CAST: variants seen among roughly 807,000 people sequenced by gnomAD.
CAST encodes MIR583 host.
A neutral mutation model predicts 119.6 loss-of-function variants in CAST; 76 were observed. The observed-to-expected ratio is 0.64, with a 90% CI of 0.53 to 0.77. The LOEUF (loss-of-function observed/expected upper bound fraction) is 0.77. Ranked by LOEUF, CAST falls within the 30% of genes least tolerant of loss-of-function variation. The pLI, the probability that CAST is intolerant of heterozygous loss-of-function variation, is 0.00. For synonymous variants in CAST, 319 were observed against 331.6 expected (o/e 0.96, Z 0.41); for missense variants, 953 against 946.5 (o/e 1.01, Z -0.09).
At chr5:96,342,599 G>A in the CAST span, among the ~76,000 whole-genome samples, 1 of 152,176 alleles carries the variant, frequency 6.6e-6, no homozygotes, top group Admixed American at 6.5e-5. Flanking sequence ...TCAAAGGACA[G>A]ACCCTAATTA....
intron 1 of CAST, among the ~76,000 whole-genome samples, chr5:96,534,559 C>A (rs1745746718): frequency 6.6e-6 from 1 of 151,242 alleles, no homozygotes; most frequent in African/African-American, 2.4e-5. Flanking sequence ...ATCCCAGCTA[C>A]TCAGGAGGCT....
chr5:96,453,467 A>G, the CAST span, among the ~76,000 whole-genome samples: 13 of 152,354 alleles, frequency 8.5e-5, no homozygotes, highest in African/African-American at 2.9e-4. Flanking sequence ...AAATTTCTTT[A>G]CGAAATCAAG....
At chr5:96,418,074 G>A in the CAST span, among the ~76,000 whole-genome samples, 1 of 152,208 alleles carries the variant, frequency 6.6e-6, no homozygotes, top group Non-Finnish European at 1.5e-5. Context: ...CAGTGTGACA[G>A]CACCTATTAT....
intron 29 of CAST, chr5:96,769,116 CCTT>C (rs1771182095): frequency 6.6e-6 from 1 of 152,218 alleles, no homozygotes; most frequent in African/African-American, 2.4e-5. Flanking sequence ...ATGAGTACCT[CCTT>C]GTTATTTTCA....
At chr5:96,206,188 T>C in the CAST span, among the ~76,000 whole-genome samples, 4 of 151,766 alleles carry the variant, frequency 2.6e-5, no homozygotes, top group African/African-American at 4.8e-5. Context: ...AAGTACCTTA[T>C]GGATTATAGA....
At chr5:96,575,240 T>C (rs962522209) in intron 1 of CAST, among the ~76,000 whole-genome samples, 9 of 152,132 alleles carry the variant, frequency 5.9e-5, no homozygotes, top group Non-Finnish European at 1.3e-4. Context: ...TGAGATTTAT[T>C]TGTGTGTGTT....
chr5:96,601,596 C>A (rs1242534662), intron 1 of CAST, among the ~76,000 whole-genome samples: 2 of 151,988 alleles, frequency 1.3e-5, no homozygotes, highest in Admixed American at 1.3e-4. Context: ...GTGAAAGTAC[C>A]GATTTCAGTT....
chr5:96,295,104 A>G, the CAST span, among the ~76,000 whole-genome samples: 2 of 152,364 alleles, frequency 1.3e-5, no homozygotes, highest in East Asian at 3.9e-4. Context: ...CAAACAAACT[A>G]GTAGAAATTC....
intron 1 of CAST, among the ~76,000 whole-genome samples, chr5:96,566,377 A>G (rs1450674030): frequency 6.6e-6 from 1 of 152,192 alleles, no homozygotes; most frequent in East Asian, 1.9e-4. Flanking sequence ...CAAAAGCAAA[A>G]CAGGAAGGGA....
intron 1 of CAST, among the ~76,000 whole-genome samples, chr5:96,583,561 C>G (rs908152289): frequency 1.3e-5 from 2 of 152,172 alleles, no homozygotes; most frequent in African/African-American, 4.8e-5. Flanking sequence ...TTGACACTAT[C>G]AGGCTCTGGT....
chr5:96,492,131 T>TATGC, the CAST span, among the ~76,000 whole-genome samples: 1,265 of 152,358 alleles, frequency 8.3e-3, 16 homozygotes, highest in South Asian at 0.022. Context: ...TGTCTTTATG[T>TATGC]ATGCATGCAT....
chr5:96,681,907 G>C (rs1048176509), intron 2 of CAST, among the ~76,000 whole-genome samples: 1 of 151,886 alleles, frequency 6.6e-6, no homozygotes, highest in Admixed American at 6.6e-5. Context: ...CTCTTTATCA[G>C]CTGTTTCGCT....
chr5:96,621,684 C>T (rs1250448593), intron 1 of CAST, among the ~76,000 whole-genome samples: 1 of 152,184 alleles, frequency 6.6e-6, no homozygotes, highest in African/African-American at 2.4e-5. Context: ...ATGAGGATTA[C>T]AATTCAAGAT....
At chr5:96,423,340 C>A in the CAST span, 1 of 1,612,354 alleles carries the variant, frequency 6.2e-7, no homozygotes, top group Non-Finnish European at 8.5e-7. Context: ...CCGTGTGATT[C>A]CACTCCAAAC....
At chr5:96,660,240 C>T (rs1008664428), upstream of CAST, among the ~76,000 whole-genome samples, 2 of 152,192 alleles carry the variant, frequency 1.3e-5, no homozygotes, top group African/African-American at 2.4e-5. Context: ...CCAGCCTGCT[C>T]ATGTCTCCTT....
At chr5:96,760,025 A>G (rs970744201) in intron 24 of CAST, among the ~76,000 whole-genome samples, 6 of 152,074 alleles carry the variant, frequency 3.9e-5, no homozygotes, top group Non-Finnish European at 8.8e-5. Context: ...TGATTTTCAA[A>G]CTGTCCTTCT....
chr5:96,182,823 A>C, the CAST span, among the ~76,000 whole-genome samples: 15 of 152,122 alleles, frequency 9.9e-5, no homozygotes. Context: ...AGCACTGTTT[A>C]TAATACAGTC....
At chr5:96,543,791 T>C (rs1745957781) in intron 1 of CAST, among the ~76,000 whole-genome samples, 1 of 152,236 alleles carries the variant, frequency 6.6e-6, no homozygotes, top group African/African-American at 2.4e-5. Context: ...ATCTAATTGT[T>C]TCAATACCAC....
At chr5:96,206,158 T>A in the CAST span, among the ~76,000 whole-genome samples, 1 of 143,506 alleles carries the variant, frequency 7.0e-6, no homozygotes, top group African/African-American at 3.0e-5. Flanking sequence ...TTTAATGGTG[T>A]TATTTGTTTT....
Sources: gnomAD v4.1 joint callset for allele counts (sites outside exome capture counted in the v4.1 genomes callset) on GRCh38, gnomAD v4.1.1 for gene constraint, MANE v1.5 for transcripts, NCBI Gene and HGNC (gene_info 2026-07-23, HGNC 2026-07-21) for gene names.